Variants in SHROOM3 observed in about 807,000 individuals in gnomAD.
SHROOM3 encodes protein Shroom3.
SHROOM3 carries 47 observed loss-of-function variants against 138.6 expected under a neutral mutation model. The observed-to-expected ratio is 0.34, with a 90% CI of 0.27 to 0.43. The LOEUF is 0.43. Among genes scored for constraint, SHROOM3 ranks in the 20% least tolerant of loss-of-function variants. SHROOM3 has a pLI of 1.00. For synonymous variants in SHROOM3, 1,062 were observed against 1,063.3 expected (o/e 1.00, Z 0.02); for missense variants, 2,491 against 2,596.5 (o/e 0.96, Z 0.88).
intron 1 of SHROOM3, among the ~76,000 whole-genome samples, chr4:76,472,393 A>G (rs1731393648): frequency 6.6e-6 from 1 of 152,134 alleles, no homozygotes; most frequent in Non-Finnish European, 1.5e-5. Flanking sequence ...TATAAATCTG[A>G]TTTGTGACTT....
intron 2 of SHROOM3, among the ~76,000 whole-genome samples, chr4:76,581,597 T>A (rs755374857): frequency 6.6e-6 from 1 of 152,120 alleles, no homozygotes; most frequent in African/African-American, 2.4e-5. Flanking sequence ...ATTGCCTGAG[T>A]GTAAAATGAG....
At chr4:76,450,281 G>C (rs28418670) in intron 1 of SHROOM3, among the ~76,000 whole-genome samples, 52,020 of 152,044 alleles carry the variant, frequency 0.34, 9,830 homozygotes, top group Non-Finnish European at 0.43. Flanking sequence ...TTCATACATT[G>C]CAAGTGGGAA....
intron 2 of SHROOM3, among the ~76,000 whole-genome samples, chr4:76,633,139 G>A (rs1017430880): frequency 2.0e-5 from 3 of 151,542 alleles, no homozygotes; most frequent in African/African-American, 7.3e-5. Context: ...GGAAGGCTGA[G>A]GCGGGGGAAT....
intron 1 of SHROOM3, among the ~76,000 whole-genome samples, chr4:76,533,551 T>A (rs943018858): frequency 6.6e-6 from 1 of 152,064 alleles, no homozygotes; most frequent in Non-Finnish European, 1.5e-5. Context: ...AGGACAGAGG[T>A]GAAGAATCTC....
At position 76,755,207 on chromosome 4, in the gene SHROOM3, T is replaced by A. The variant is rs1395766087; in HGVS notation, c.4709+15T>A. ...CCACGCCCCAGGTGAGTGAGCAGAC[T>A]GGGCAGCTTTCCCCCACTAACAGGA... is the stretch of plus-strand genomic sequence containing the variant. On this transcript the variant is annotated intron_variant, in intron 7 of 10. Coordinates refer to ENST00000296043, the MANE Select transcript of SHROOM3 (RefSeq NM_020859.4). 1.2e-6 allele frequency: 2 copies of A among 1,611,604 alleles called. No homozygotes were observed. Among genetic ancestry groups the A allele is most frequent in the African/African-American group, 2.7e-5 (2 of 74,854 alleles).
At chr4:76,728,684 CT>C (rs1444330906) in intron 3 of SHROOM3, among the ~76,000 whole-genome samples, 1 of 152,226 alleles carries the variant, frequency 6.6e-6, no homozygotes, top group East Asian at 1.9e-4. Context: ...CACCTGCTCC[CT>C]TTTGTTCCTT....
chr4:76,453,565 G>A (rs549350749), intron 1 of SHROOM3, among the ~76,000 whole-genome samples: 3 of 152,122 alleles, frequency 2.0e-5, no homozygotes, highest in African/African-American at 4.8e-5. Context: ...ATAAATAATA[G>A]CATTCTTAAT....
In SHROOM3 at chr4:76,436,088, T is replaced by C; in HGVS notation, c.36T>C (p.Ser12=). 1 of 1,614,032 alleles carries C rather than the reference T, an allele frequency of 6.2e-7. No homozygotes were observed. The highest frequency in any genetic ancestry group is 2.2e-5 in the East Asian group (1 of 44,872). ...CCACTGAAGACTTCCACAAGCCTAG[T>C]GCCACATTAAACTCTAACACGGCCA... The part of the protein sequence containing the change: ...MRTTEDFHKP[S]ATLNSNTATK... The change falls in exon 1 of 11, where the codon AGT becomes AGC. Residue 12 remains serine (S), a synonymous_variant. Coordinates refer to ENST00000296043, the MANE Select transcript of SHROOM3 (RefSeq NM_020859.4).
intron 1 of SHROOM3, among the ~76,000 whole-genome samples, chr4:76,538,828 G>T (rs1236019136): frequency 2.0e-5 from 3 of 152,148 alleles, no homozygotes; most frequent in Non-Finnish European, 4.4e-5. Flanking sequence ...CCCAGATTCT[G>T]TTATAATAAT....
chr4:76,648,796 A>C (rs1306926642), intron 2 of SHROOM3, among the ~76,000 whole-genome samples: 2 of 152,252 alleles, frequency 1.3e-5, no homozygotes, highest in Admixed American at 1.3e-4. Flanking sequence ...AGAATATACA[A>C]GGCAACATGT....
chr4:76,678,913 C>T (rs1297871142), intron 2 of SHROOM3, among the ~76,000 whole-genome samples: 1 of 152,202 alleles, frequency 6.6e-6, no homozygotes, highest in Non-Finnish European at 1.5e-5. Context: ...CTGCCTGCCT[C>T]GGCCTCCCAA....
intron 2 of SHROOM3, among the ~76,000 whole-genome samples, chr4:76,692,217 G>A (rs542382473): frequency 1.9e-3 from 292 of 152,276 alleles, no homozygotes; most frequent in Non-Finnish European, 3.3e-3. Context: ...TTCAGCTTGT[G>A]GGATTTCTTC....
intron 1 of SHROOM3, among the ~76,000 whole-genome samples, chr4:76,496,003 G>A (rs1009624952): frequency 6.6e-6 from 1 of 152,170 alleles, no homozygotes; most frequent in Non-Finnish European, 1.5e-5. Flanking sequence ...AGGTGTCAGT[G>A]GACCAAAGCT....
chr4:76,579,089 A>G (rs1176305421), intron 2 of SHROOM3, among the ~76,000 whole-genome samples: 3 of 152,104 alleles, frequency 2.0e-5, no homozygotes, highest in Admixed American at 6.5e-5. Flanking sequence ...TTGAGGTGGG[A>G]GGATCGCTTG....
At chr4:76,753,333 T>C (rs796936092) in intron 6 of SHROOM3, among the ~76,000 whole-genome samples, 5 of 152,228 alleles carry the variant, frequency 3.3e-5, no homozygotes, top group African/African-American at 1.2e-4. Flanking sequence ...TGCATTCTGT[T>C]TGCCTGGCAC....
intron 1 of SHROOM3, among the ~76,000 whole-genome samples, chr4:76,528,486 C>T (rs1732749920): frequency 6.6e-6 from 1 of 150,700 alleles, no homozygotes; most frequent in Non-Finnish European, 1.5e-5. Context: ...CAGCAAAAGC[C>T]AGTCTTTCTT....
intron 1 of SHROOM3, among the ~76,000 whole-genome samples, chr4:76,552,278 G>C (rs1222892102): frequency 6.6e-6 from 1 of 150,918 alleles, no homozygotes; most frequent in African/African-American, 2.4e-5. Flanking sequence ...AGGCCAAAGT[G>C]GGAGGATCAC....
intron 1 of SHROOM3, among the ~76,000 whole-genome samples, chr4:76,483,402 A>G (rs1406986767): frequency 6.6e-6 from 1 of 152,272 alleles, no homozygotes; most frequent in Non-Finnish European, 1.5e-5. Flanking sequence ...AAAAAAGCTC[A>G]TCATCACTGG....
Position 76,710,415 on chromosome 4 carries a change from G to A in SHROOM3, c.455+128G>A. ...ACAGGCTGTTGAGAGAGAGGTAAGA[G>A]GCAGAACAAGGAGGCGAGATAGAAG... On this transcript the variant is annotated intron_variant, in intron 3 of 10. Coordinates refer to ENST00000296043, the MANE Select transcript of SHROOM3 (RefSeq NM_020859.4). 4.5e-6 allele frequency: 5 copies of A among 1,122,984 alleles called. No homozygotes were observed. In the East Asian group the frequency reaches 7.8e-5, roughly 17 times the overall value. 69.6% of individuals were successfully genotyped at this position (1,122,984 alleles called of 1,614,324 possible).
Sources: gnomAD v4.1 joint callset for allele counts (sites outside exome capture counted in the v4.1 genomes callset) on GRCh38, gnomAD v4.1.1 for gene constraint, MANE v1.5 for transcripts, NCBI Gene and HGNC (gene_info 2026-07-23, HGNC 2026-07-21) for gene names.